FAM174B: variants seen among roughly 807,000 people sequenced by gnomAD.
The protein encoded by FAM174B is membrane protein FAM174B.
FAM174B carries 12 observed loss-of-function variants against 10.9 expected under a neutral mutation model. The observed-to-expected ratio is 1.10, with a 90% CI of 0.71 to 1.79. FAM174B has a LOEUF of 1.79. FAM174B is among the 40% of genes most tolerant of loss of function. The pLI is 0.00. For missense variants in FAM174B, 266 were observed against 233.3 expected (o/e 1.14, Z -0.91); for synonymous variants, 132 against 115.8 (o/e 1.14, Z -0.90).
At chr15:92,620,828 A>C (rs943648275) in intron 2 of FAM174B, among the ~76,000 whole-genome samples, 2 of 151,368 alleles carry the variant, frequency 1.3e-5, no homozygotes, top group Admixed American at 6.6e-5. Context: ...AAAAAAAAAA[A>C]AAAAAAAAAA....
rs1238544887 is a variant in FAM174B at position 92,618,069 on chromosome 15, G to A, written c.*1387C>T. 1 of 229,380 alleles carries A rather than the reference G, an allele frequency of 4.4e-6. No individual in the cohort carries two copies. The highest frequency in any genetic ancestry group is 2.3e-5 in the African/African-American group (1 of 44,300). 14.2% of individuals were successfully genotyped at this position (229,380 alleles called of 1,614,324 possible). A position where few individuals can be genotyped will look rare whatever the true frequency, so the allele number is the denominator to read the frequency against. On this transcript the variant is annotated 3_prime_UTR_variant, in exon 3 of 3. Transcript: ENST00000327355. Reference sequence around the variant, plus strand: ...CCGAAGATGGAGGTGAGTCAGGAAAGGCTGGAGTTTTCATCCAAAAAAAAA... The same window carrying A: ...CCGAAGATGGAGGTGAGTCAGGAAAAGCTGGAGTTTTCATCCAAAAAAAAA...
chr15:92,655,610 G>T lies in FAM174B; in HGVS notation c.50C>A (p.Ala17Glu). 7.9e-7 allele frequency: 1 copy of T among 1,272,984 alleles called. No individual in the cohort carries two copies. The allele number at this position is 1,272,984 out of a possible 1,614,324, so 78.9% of individuals were successfully genotyped here. A position where few individuals can be genotyped will look rare whatever the true frequency, so the allele number is the denominator to read the frequency against. Residue 17 changes from alanine (A) to glutamate (E), a missense_variant, in exon 1 of 3, where the codon GCG (alanine) becomes GAG (glutamate). Coordinates refer to ENST00000327355, the MANE Select transcript of FAM174B (RefSeq NM_207446.3). ...GCGGGCGGCGGGAGCGGCCAGGAGC[G>T]CGAGCAGCAGCAGCGGCAGGAGCGG... ...PAPLLPLLLL[A>E]LLAAPAARAS...
At chr15:92,646,560 AT>A (rs1337432497) in intron 1 of FAM174B, among the ~76,000 whole-genome samples, 1 of 152,182 alleles carries the variant, frequency 6.6e-6, no homozygotes, top group East Asian at 1.9e-4. Flanking sequence ...CGAAAAACTA[AT>A]TCAGGCCATG....
intron 1 of FAM174B, among the ~76,000 whole-genome samples, chr15:92,631,739 G>A (rs190382650): frequency 1.2e-3 from 181 of 151,032 alleles, no homozygotes; most frequent in African/African-American, 4.1e-3. Flanking sequence ...CTCGTGATCT[G>A]CCCACCTCGC....
chr15:92,647,558 T>A (rs2050936860), intron 1 of FAM174B, among the ~76,000 whole-genome samples: 1 of 152,066 alleles, frequency 6.6e-6, no homozygotes. Flanking sequence ...ATTATACCCC[T>A]CCCTTTTGGA....
intron 2 of FAM174B, among the ~76,000 whole-genome samples, chr15:92,628,190 G>T (rs952137928): frequency 4.6e-5 from 7 of 151,152 alleles, no homozygotes; most frequent in African/African-American, 1.7e-4. Context: ...TTTGAGATGG[G>T]GTCTTCCTCT....
Position 92,631,212 on chromosome 15 carries a change from T to C in FAM174B, c.345-867A>G, listed in dbSNP as rs766440811. On this transcript the variant is annotated intron_variant, in intron 1 of 2. Coordinates refer to ENST00000327355, the MANE Select transcript of FAM174B (RefSeq NM_207446.3). ...TATATTATATATATTACATATATTA[T>C]ATATTATATTATATATAATATATTA... Among the ~76,000 whole-genome samples the C allele has an allele frequency of 1.2e-3, 25 of 20,356 alleles. 10 individuals are homozygous for C. The highest frequency in any genetic ancestry group is 2.3e-3 in the Admixed American group (2 of 876). The allele number at this position is 20,356 out of a possible 152,430, so 13.4% of individuals were successfully genotyped here.
chr15:92,654,650 C>T (rs1049360894), intron 1 of FAM174B, among the ~76,000 whole-genome samples: 12 of 152,140 alleles, frequency 7.9e-5, no homozygotes, highest in Non-Finnish European at 1.6e-4. Flanking sequence ...CCCCCACCAA[C>T]AGAAAATAAG....
intron 2 of FAM174B, among the ~76,000 whole-genome samples, chr15:92,629,403 C>G (rs1387499069): frequency 6.6e-6 from 1 of 152,214 alleles, no homozygotes; most frequent in Non-Finnish European, 1.5e-5. Flanking sequence ...AAGAAACACA[C>G]CTGCCTGTGG....
Position 92,624,847 on chromosome 15 carries a change from C to T in FAM174B, c.476+5367G>A, listed in dbSNP as rs571772735. Among the ~76,000 whole-genome samples the T allele has an allele frequency of 1.1e-3, 166 of 152,356 alleles. 1 individual carries two copies. Among genetic ancestry groups the T allele is most frequent in the East Asian group, 2.7e-3 (14 of 5,194 alleles). On this transcript the variant is annotated intron_variant, in intron 2 of 2. Coordinates refer to ENST00000327355, the MANE Select transcript of FAM174B (RefSeq NM_207446.3). ...GTGTGCCTTTGGGCTGCGCCTGTCA[C>T]AGCTGCCGGGCCGCCTGCCACACAC...
chr15:92,649,963 G>A (rs1411324983), intron 1 of FAM174B, among the ~76,000 whole-genome samples: 3 of 152,086 alleles, frequency 2.0e-5, no homozygotes, highest in East Asian at 1.9e-4. Context: ...AATGAGAAAC[G>A]ACCGACTGAT....
At chr15:92,620,984 T>G (rs11074082) in intron 2 of FAM174B, among the ~76,000 whole-genome samples, 13,646 of 152,226 alleles carry the variant, frequency 0.09, 923 homozygotes, top group East Asian at 0.27. Context: ...TAATAGAATT[T>G]ACAAAATAAT....
chr15:92,646,156 C>T (rs1489646167), intron 1 of FAM174B, among the ~76,000 whole-genome samples: 1 of 152,202 alleles, frequency 6.6e-6, no homozygotes, highest in Non-Finnish European at 1.5e-5. Flanking sequence ...CTGCACCCCC[C>T]ACACCAGCCA....
chr15:92,631,419 TAA>T lies in FAM174B; in HGVS notation c.345-1076_345-1075del, dbSNP rs1491509775. ...ATTATATTATATTATATATAATATA[TAA>T]TATATAATATAATATATTATATATA... On this transcript the variant is annotated intron_variant, in intron 1 of 2. Transcript: ENST00000327355. Among the ~76,000 whole-genome samples, 5 of 56,506 alleles carry T rather than the reference TAA, an allele frequency of 8.8e-5. 1 individual carries two copies. Among genetic ancestry groups the T allele is most frequent in the Non-Finnish European group, 1.5e-4 (5 of 33,502 alleles). 37.1% of individuals were successfully genotyped at this position (56,506 alleles called of 152,430 possible).
At chr15:92,644,017 C>T (rs2050909271) in intron 1 of FAM174B, among the ~76,000 whole-genome samples, 1 of 152,208 alleles carries the variant, frequency 6.6e-6, no homozygotes, top group South Asian at 2.1e-4. Flanking sequence ...AGGACACAGA[C>T]CTGTTTCGCT....
Position 92,617,870 on chromosome 15 carries a change from C to A in FAM174B, c.*1586G>T, listed in dbSNP as rs994851010. On this transcript the variant is annotated 3_prime_UTR_variant, in exon 3 of 3. Coordinates refer to ENST00000327355, the MANE Select transcript of FAM174B (RefSeq NM_207446.3). Reference sequence around the variant, plus strand: ...CAGGGAGCAGAGACTACACGCAGGCCCCCCGTGGCTGGCAATACCATGCGT... The same window carrying A: ...CAGGGAGCAGAGACTACACGCAGGCACCCCGTGGCTGGCAATACCATGCGT... 6.6e-6 allele frequency: 3 copies of A among 454,212 alleles called. No homozygotes were observed. The highest frequency in any genetic ancestry group is 6.1e-5 in the African/African-American group (3 of 48,980). The allele number at this position is 454,212 out of a possible 1,614,324, so 28.1% of individuals were successfully genotyped here. A position where few individuals can be genotyped will look rare whatever the true frequency, so the allele number is the denominator to read the frequency against.
chr15:92,639,545 C>G (rs2050876747), intron 1 of FAM174B, among the ~76,000 whole-genome samples: 1 of 152,160 alleles, frequency 6.6e-6, no homozygotes, highest in South Asian at 2.1e-4. Flanking sequence ...TAACTGAACA[C>G]AGTGTGATAA....
chr15:92,630,189 G>A (rs765536945), intron 2 of FAM174B, 25 bp downstream of exon 2: 3 of 1,610,154 alleles, frequency 1.9e-6, no homozygotes, highest in Admixed American at 3.3e-5. Context: ...AAGCCCAGGA[G>A]GAAGCCTCTG....
intron 2 of FAM174B, among the ~76,000 whole-genome samples, chr15:92,629,749 G>C (rs2141952509): frequency 6.6e-6 from 1 of 152,202 alleles, no homozygotes; most frequent in South Asian, 2.1e-4. Context: ...TTGAACTGTA[G>C]CTCCCACAAT....
Sources: gnomAD v4.1 joint callset for allele counts (sites outside exome capture counted in the v4.1 genomes callset) on GRCh38, gnomAD v4.1.1 for gene constraint, MANE v1.5 for transcripts, NCBI Gene and HGNC (gene_info 2026-07-23, HGNC 2026-07-21) for gene names.